Variants in APP observed in about 807,000 individuals in gnomAD.
The protein encoded by APP is amyloid beta precursor protein.
Under a neutral mutation model 101.4 loss-of-function variants are expected in APP, and 31 were observed. The observed-to-expected ratio is 0.31, with a 90% CI of 0.23 to 0.41. The LOEUF (loss-of-function observed/expected upper bound fraction) is 0.41. APP is among the 10% of genes least tolerant of loss of function. The probability of loss-of-function intolerance (pLI) is 1.00; values close to 1 mark genes in which losing one functional copy is unlikely to be tolerated. For missense variants in APP, 839 were observed against 1,003.7 expected (o/e 0.84, Z 2.22); for synonymous variants, 366 against 364.4 (o/e 1.00, Z -0.05).
At chr21:25,889,263 G>GT (rs2146225749) in intron 17 of APP, among the ~76,000 whole-genome samples, 1 of 152,306 alleles carries the variant, frequency 6.6e-6, no homozygotes, top group East Asian at 1.9e-4. Flanking sequence ...GTAGGAAGAG[G>GT]TTAGGACACA....
At position 25,997,004 on chromosome 21, in the gene APP, G is replaced by A. The variant is rs143954285; in HGVS notation, c.1090+356C>T. Among the ~76,000 whole-genome samples the A allele has an allele frequency of 1.5e-3, 221 of 152,324 alleles. 1 individual carries two copies. Among genetic ancestry groups the A allele is most frequent in the African/African-American group, 5.0e-3 (209 of 41,548 alleles). The stretch of plus-strand genomic sequence containing the variant: ...GCCCTTGTTCTTCAGTTCTGCAAAA[G>A]CAGTGAGAGGCTAAGCCTGCTCTCA... On this transcript the variant is annotated intron_variant, in intron 8 of 17. Coordinates refer to ENST00000346798, the MANE Select transcript of APP (RefSeq NM_000484.4).
chr21:26,143,768 T>C (rs192120070), intron 1 of APP, among the ~76,000 whole-genome samples: 3 of 152,306 alleles, frequency 2.0e-5, no homozygotes, highest in Admixed American at 2.0e-4. Flanking sequence ...TTTGAGTGTT[T>C]TAGGTTCCAC....
intron 9 of APP, among the ~76,000 whole-genome samples, chr21:25,978,909 G>A (rs2042321808): frequency 6.6e-6 from 1 of 152,158 alleles, no homozygotes; most frequent in Non-Finnish European, 1.5e-5. Context: ...TCTAGATTGT[G>A]CCACTGCACT....
At chr21:26,079,743 A>C (rs1411397825) in intron 3 of APP, among the ~76,000 whole-genome samples, 7 of 152,166 alleles carry the variant, frequency 4.6e-5, no homozygotes, top group Non-Finnish European at 8.8e-5. Flanking sequence ...TTTAAATTAT[A>C]CCTTACTTTT....
chr21:25,891,470 AT>A (rs1472079243), intron 17 of APP, among the ~76,000 whole-genome samples: 1 of 152,158 alleles, frequency 6.6e-6, no homozygotes, highest in Non-Finnish European at 1.5e-5. Context: ...CATTTGTATT[AT>A]TTTGATAACT....
chr21:25,882,384 G>C (rs1001916889), intron 17 of APP, among the ~76,000 whole-genome samples: 25 of 146,272 alleles, frequency 1.7e-4, no homozygotes, highest in Non-Finnish European at 1.3e-4. Flanking sequence ...AAAAAAGGAA[G>C]AGCAAGGACG....
intron 3 of APP, among the ~76,000 whole-genome samples, chr21:26,065,332 T>C (rs2046416594): frequency 6.6e-6 from 1 of 152,196 alleles, no homozygotes; most frequent in Admixed American, 6.5e-5. Context: ...AAAATTATTG[T>C]AGTTGAAAAG....
At chr21:26,036,767 T>C (rs1291188080) in intron 5 of APP, among the ~76,000 whole-genome samples, 1 of 152,158 alleles carries the variant, frequency 6.6e-6, no homozygotes, top group Non-Finnish European at 1.5e-5. Flanking sequence ...CATTTGAGGA[T>C]AGTATGGAGA....
chr21:26,105,084 A>G (rs951986133), intron 2 of APP, among the ~76,000 whole-genome samples: 25 of 151,750 alleles, frequency 1.6e-4, no homozygotes, highest in East Asian at 1.2e-3. Flanking sequence ...AAAAAAAAAA[A>G]AAAAAGAAGA....
At chr21:25,963,079 G>A (rs371577012) in intron 11 of APP, among the ~76,000 whole-genome samples, 2 of 152,202 alleles carry the variant, frequency 1.3e-5, no homozygotes, top group African/African-American at 4.8e-5. Context: ...CTCCCAAAGT[G>A]CTGGGATTAC....
intron 12 of APP, 73 bp from the exon 13 acceptor site, chr21:25,954,762 C>A: frequency 1.7e-6 from 2 of 1,150,652 alleles, no homozygotes; most frequent in Non-Finnish European, 2.4e-6. Context: ...TTCTTTTTTT[C>A]TTTTTTTTTT....
intron 13 of APP, among the ~76,000 whole-genome samples, chr21:25,939,304 C>G (rs1425355081): frequency 6.6e-6 from 1 of 152,226 alleles, no homozygotes; most frequent in East Asian, 1.9e-4. Flanking sequence ...CAAAACCTGT[C>G]TCACATTTGC....
chr21:26,156,837 CTT>C (rs1392535578), intron 1 of APP, among the ~76,000 whole-genome samples: 1 of 146,698 alleles, frequency 6.8e-6, no homozygotes, highest in Admixed American at 7.0e-5. Context: ...AATTTTCAAA[CTT>C]AACTATATGG....
intron 11 of APP, among the ~76,000 whole-genome samples, chr21:25,961,165 C>T (rs2041563918): frequency 1.3e-5 from 2 of 152,196 alleles, no homozygotes; most frequent in Admixed American, 1.3e-4. Flanking sequence ...CTGTTCATCT[C>T]ACCTATCTCT....
At chr21:25,901,251 T>G (rs1037947437) in intron 15 of APP, among the ~76,000 whole-genome samples, 1 of 139,148 alleles carries the variant, frequency 7.2e-6, no homozygotes, top group East Asian at 2.1e-4. Flanking sequence ...TGAGCTGGTA[T>G]CATGCCACTG....
rs913917968 is a variant in APP, at chr21:25,880,794, T to C, written c.*876A>G. The C allele has an allele frequency of 1.3e-5, 2 of 152,260 alleles. No individual in the cohort carries two copies. Among genetic ancestry groups the C allele is most frequent in the African/African-American group, 4.8e-5 (2 of 41,396 alleles). 9.4% of individuals were successfully genotyped at this position (152,260 alleles called of 1,614,324 possible). ...TCTGTAGTCATCCTTCAAAGAAAAG[T>C]CTTGCCCGGGGTTATTTTATTTAAT... On this transcript the variant is annotated 3_prime_UTR_variant, in exon 18 of 18. Transcript: ENST00000346798.
At chr21:26,155,709 T>C (rs1164765829) in intron 1 of APP, among the ~76,000 whole-genome samples, 1 of 152,090 alleles carries the variant, frequency 6.6e-6, no homozygotes, top group Non-Finnish European at 1.5e-5. Context: ...AAATAATTGA[T>C]ATCTGGCTGG....
At chr21:25,912,269 G>A (rs1242902321) in intron 13 of APP, among the ~76,000 whole-genome samples, 1 of 152,166 alleles carries the variant, frequency 6.6e-6, no homozygotes, top group Non-Finnish European at 1.5e-5. Context: ...GGCCACAGGG[G>A]CTCAGCTGCC....
At chr21:26,157,910 C>G (rs537753475) in intron 1 of APP, among the ~76,000 whole-genome samples, 3 of 152,216 alleles carry the variant, frequency 2.0e-5, no homozygotes, top group Non-Finnish European at 4.4e-5. Context: ...CAGTGTCAAG[C>G]TCTTTTCTAA....
Sources: gnomAD v4.1 joint callset for allele counts (sites outside exome capture counted in the v4.1 genomes callset) on GRCh38, gnomAD v4.1.1 for gene constraint, MANE v1.5 for transcripts, NCBI Gene and HGNC (gene_info 2026-07-23, HGNC 2026-07-21) for gene names.